MBNL2: variants seen among roughly 807,000 people sequenced by gnomAD.
MBNL2 encodes muscleblind like splicing regulator 2.
MBNL2 carries 17 observed loss-of-function variants against 41.9 expected under a neutral mutation model. That is an observed-to-expected ratio of 0.41 (90% CI 0.28 to 0.61). The LOEUF (loss-of-function observed/expected upper bound fraction) is 0.61, where lower values mean the gene tolerates loss of function less well. Ranked by LOEUF, MBNL2 falls within the 20% of genes least tolerant of loss-of-function variation. The probability of loss-of-function intolerance (pLI) is 0.35; values close to 1 mark genes in which losing one functional copy is unlikely to be tolerated. For missense variants in MBNL2, 336 were observed against 505.6 expected (o/e 0.66, Z 3.22); for synonymous variants, 195 against 182.9 (o/e 1.07, Z -0.53).
At chr13:97,144,420 C>CTTTT in the MBNL2 span, among the ~76,000 whole-genome samples, 530 of 87,460 alleles carry the variant, frequency 6.1e-3, 18 homozygotes, top group African/African-American at 0.027. Context: ...AGACATGATA[C>CTTTT]TTCTTTTTTT....
Position 97,268,926 on chromosome 13 carries a change from A to T in MBNL2, c.-604-6706A>T, listed in dbSNP as rs1370064255. Reference sequence around the variant, plus strand: ...AAGATGGGCTGTAGGAGAGGGTGTCAAAAGGGAAAGGACGAAGGAGGGGGC... The same window carrying T: ...AAGATGGGCTGTAGGAGAGGGTGTCTAAAGGGAAAGGACGAAGGAGGGGGC... On this transcript the variant is annotated intron_variant, in intron 1 of 8. Coordinates refer to ENST00000679496, the MANE Select transcript of MBNL2 (RefSeq NM_001382683.1). This position sits in a 1 kb window ranked among gnomAD's most constrained non-coding sequence, Gnocchi z 4.6. 6.6e-6 allele frequency among the ~76,000 whole-genome samples: 1 copy of T among 152,206 alleles called. No individual in the cohort carries two copies. Among genetic ancestry groups the T allele is most frequent in the African/African-American group, 2.4e-5 (1 of 41,462 alleles).
chr13:97,315,466 G>T (rs1203151831), intron 2 of MBNL2, among the ~76,000 whole-genome samples: 1 of 152,214 alleles, frequency 6.6e-6, no homozygotes. Flanking sequence ...GATGGGATCT[G>T]ACATCAATAC....
chr13:97,168,673 T>A, the MBNL2 span, among the ~76,000 whole-genome samples: 1 of 152,204 alleles, frequency 6.6e-6, no homozygotes, highest in Non-Finnish European at 1.5e-5. Context: ...GTTGAATTGA[T>A]TAAGCATAAT....
chr13:97,362,508 C>G (rs1490500514), intron 7 of MBNL2, among the ~76,000 whole-genome samples: 1 of 151,834 alleles, frequency 6.6e-6, no homozygotes, highest in Non-Finnish European at 1.5e-5. Context: ...GTGGGAAGTT[C>G]AAAAATAGGG....
At chr13:97,152,873 A>G in the MBNL2 span, among the ~76,000 whole-genome samples, 1 of 152,196 alleles carries the variant, frequency 6.6e-6, no homozygotes, top group African/African-American at 2.4e-5. Flanking sequence ...ACAGGCACCA[A>G]GGGAATCTCC....
At chr13:97,168,052 G>A in the MBNL2 span, among the ~76,000 whole-genome samples, 1 of 152,072 alleles carries the variant, frequency 6.6e-6, no homozygotes, top group African/African-American at 2.4e-5. Flanking sequence ...TGCAACCTCT[G>A]CCTCCCAGTT....
At chr13:97,342,672 G>A (rs1049320363) in intron 3 of MBNL2, among the ~76,000 whole-genome samples, 2 of 152,184 alleles carry the variant, frequency 1.3e-5, no homozygotes, top group South Asian at 4.1e-4. Context: ...TTATTAGTCA[G>A]TATTCTATAG....
At chr13:97,271,471 CAAAA>C (rs199915981) in intron 1 of MBNL2, among the ~76,000 whole-genome samples, 7 of 147,134 alleles carry the variant, frequency 4.8e-5, no homozygotes, top group South Asian at 2.1e-4. Context: ...AAAAACAAAA[CAAAA>C]AAAAACAGGA....
intron 1 of MBNL2, among the ~76,000 whole-genome samples, chr13:97,240,759 A>G (rs2044108244): frequency 6.6e-6 from 1 of 152,238 alleles, no homozygotes; most frequent in Non-Finnish European, 1.5e-5. Context: ...GATGATTGAA[A>G]TGTAGCTGCT....
At chr13:97,337,179 G>T (rs961148248) in intron 3 of MBNL2, among the ~76,000 whole-genome samples, 1 of 152,144 alleles carries the variant, frequency 6.6e-6, no homozygotes, top group African/African-American at 2.4e-5. Context: ...TCACCCTCCT[G>T]CCATGTGCGG....
upstream of MBNL2, among the ~76,000 whole-genome samples, chr13:97,220,817 G>A (rs527376533): frequency 6.6e-6 from 1 of 152,246 alleles, no homozygotes; most frequent in East Asian, 1.9e-4. Flanking sequence ...TGGGATTCAT[G>A]GAATGATAGT....
intron 2 of MBNL2, among the ~76,000 whole-genome samples, chr13:97,309,041 G>A (rs145673366): frequency 6.5e-4 from 99 of 152,266 alleles, no homozygotes; most frequent in Middle Eastern, 3.4e-3. Flanking sequence ...GAGCATAGGC[G>A]CAGAGGCAGA....
chr13:97,163,383 C>T, the MBNL2 span, among the ~76,000 whole-genome samples: 2 of 152,132 alleles, frequency 1.3e-5, no homozygotes, highest in South Asian at 2.1e-4. Context: ...AGGGAGGTAG[C>T]CCTCACCACC....
intron 2 of MBNL2, among the ~76,000 whole-genome samples, chr13:97,282,902 G>C (rs1334098105): frequency 6.6e-6 from 1 of 152,204 alleles, no homozygotes; most frequent in African/African-American, 2.4e-5. Flanking sequence ...CAGAGCAGAA[G>C]TGCAGTCATC....
At chr13:97,338,870 A>T (rs1041570441) in intron 3 of MBNL2, among the ~76,000 whole-genome samples, 1 of 152,098 alleles carries the variant, frequency 6.6e-6, no homozygotes, top group Non-Finnish European at 1.5e-5. Context: ...ATTCTAAACG[A>T]GTGGGACGAC....
the MBNL2 span, among the ~76,000 whole-genome samples, chr13:97,143,040 C>T: frequency 3.9e-5 from 6 of 152,174 alleles, no homozygotes; most frequent in Non-Finnish European, 5.9e-5. Flanking sequence ...TTTATCATGT[C>T]AGTTACCTCT....
chr13:97,377,989 A>G (rs2065110356), intron 8 of MBNL2, among the ~76,000 whole-genome samples: 1 of 152,208 alleles, frequency 6.6e-6, no homozygotes. Flanking sequence ...TGAAAGACAG[A>G]TGTTTATTAG....
At chr13:97,160,928 C>G in the MBNL2 span, among the ~76,000 whole-genome samples, 5 of 152,060 alleles carry the variant, frequency 3.3e-5, no homozygotes, top group African/African-American at 1.2e-4. Context: ...TAGTGTCATG[C>G]CAAGTTCTGT....
the MBNL2 span, among the ~76,000 whole-genome samples, chr13:97,213,970 A>G: frequency 1.3e-5 from 2 of 152,200 alleles, no homozygotes; most frequent in African/African-American, 2.4e-5. Flanking sequence ...CAATGTCTTC[A>G]TCAGGCAGCA....
Sources: gnomAD v4.1 joint callset for allele counts (sites outside exome capture counted in the v4.1 genomes callset) on GRCh38, gnomAD v4.1.1 for gene constraint, Gnocchi (gnomAD v3.1) non-coding constraint, MANE v1.5 for transcripts, NCBI Gene and HGNC (gene_info 2026-07-23, HGNC 2026-07-21) for gene names.